The following NF1 variants were observed in gnomAD, a reference collection of about 807,000 sequenced individuals.
NF1 encodes neurofibromin.
NF1 carries 122 observed loss-of-function variants against 325.7 expected under a neutral mutation model. That is an observed-to-expected ratio of 0.37 (90% CI 0.32 to 0.44). The LOEUF (loss-of-function observed/expected upper bound fraction) is 0.44. Among genes scored for constraint, NF1 ranks in the 20% least tolerant of loss-of-function variants. NF1 has a pLI of 1.00. For missense variants in NF1, 2,140 were observed against 3,415.4 expected (o/e 0.63, Z 9.31); for synonymous variants, 1,091 against 1,186.0 (o/e 0.92, Z 1.65).
chr17:31,203,753 A>G (rs1230574488), intron 11 of NF1, among the ~76,000 whole-genome samples: 1 of 152,024 alleles, frequency 6.6e-6, no homozygotes, highest in Admixed American at 6.6e-5. Flanking sequence ...CTCTTCTCCC[A>G]TGGTTCTTTA....
At chr17:31,194,376 G>A (rs1158434541) in intron 8 of NF1, among the ~76,000 whole-genome samples, 1 of 152,090 alleles carries the variant, frequency 6.6e-6, no homozygotes, top group African/African-American at 2.4e-5. Context: ...AATACTACAG[G>A]CTGGGAAGGA....
chr17:31,209,339 G>C (rs1440618271), intron 12 of NF1, among the ~76,000 whole-genome samples: 1 of 152,218 alleles, frequency 6.6e-6, no homozygotes, highest in Non-Finnish European at 1.5e-5. Flanking sequence ...TTGCAAAACA[G>C]TAAAAGTAAA....
At chr17:31,099,385 A>C (rs1465329490) in intron 1 of NF1, among the ~76,000 whole-genome samples, 1 of 152,172 alleles carries the variant, frequency 6.6e-6, no homozygotes, top group African/African-American at 2.4e-5. Flanking sequence ...AAGTTGAATG[A>C]GTATTACCAA....
chr17:31,194,125 T>C (rs895483930), intron 8 of NF1, among the ~76,000 whole-genome samples: 7 of 152,184 alleles, frequency 4.6e-5, no homozygotes, highest in Non-Finnish European at 7.4e-5. Flanking sequence ...AGCCAAGATA[T>C]GGAATCATCC....
chr17:31,306,022 G>A (rs1483218014), intron 36 of NF1, among the ~76,000 whole-genome samples: 1 of 151,996 alleles, frequency 6.6e-6, no homozygotes, highest in Non-Finnish European at 1.5e-5. Context: ...TTTTCTACTA[G>A]AAATATATTG....
chr17:31,350,761 TG>T lies in NF1; in HGVS notation c.7457+444del, dbSNP rs376360149. ...CAAGTTATTTAAAAGTTTTCTATAA[TG>T]TAGACATAGATGGTAAAAATTATAT... On this transcript the variant is annotated intron_variant, in intron 50 of 57. Transcript: ENST00000358273. 8.9e-3 allele frequency among the ~76,000 whole-genome samples: 1,359 copies of T among 152,358 alleles called. 16 individuals are homozygous for T. The highest frequency in any genetic ancestry group is 0.027 in the Middle Eastern group (8 of 294).
chr17:31,362,242 C>A, intron 57 of NF1: 1 of 909,548 alleles, frequency 1.1e-6, no homozygotes, highest in Non-Finnish European at 1.3e-6. Flanking sequence ...ATCAGCATTT[C>A]AGCTGTGAAG....
chr17:31,127,285 T>C (rs577184499), intron 1 of NF1, among the ~76,000 whole-genome samples: 1 of 152,268 alleles, frequency 6.6e-6, no homozygotes, highest in South Asian at 2.1e-4. Flanking sequence ...GTTTATTGAT[T>C]TCCGCAAAAA....
rs574712873 is a variant in NF1, at chr17:31,287,008, TGTGA to T, written c.4835+21672_4835+21675del. Reference sequence around the variant, plus strand: ...CAAAGTGAAAAACTGCGTTTCCTGGTGTGAGTATTTCATTAGATTTATTGATCCT... The same window carrying T: ...CAAAGTGAAAAACTGCGTTTCCTGGTGTATTTCATTAGATTTATTGATCCT... On this transcript the variant is annotated intron_variant, in intron 36 of 57. Coordinates refer to ENST00000358273, the MANE Select transcript of NF1 (RefSeq NM_001042492.3). Among the ~76,000 whole-genome samples the T allele has an allele frequency of 2.2e-4, 34 of 152,352 alleles. No individual in the cohort carries two copies. In the East Asian group the frequency reaches 6.0e-3, roughly 27 times the overall value.
intron 17 of NF1, among the ~76,000 whole-genome samples, chr17:31,225,712 A>T (rs1159555976): frequency 2.0e-5 from 3 of 152,212 alleles, no homozygotes; most frequent in Non-Finnish European, 4.4e-5. Context: ...TTTCTTTTAA[A>T]TATAAATCAT....
chr17:31,149,017 T>C (rs1916756497), intron 1 of NF1, among the ~76,000 whole-genome samples: 1 of 152,110 alleles, frequency 6.6e-6, no homozygotes, highest in African/African-American at 2.4e-5. Flanking sequence ...TTCTACTGTT[T>C]TGTTTTGTTT....
intron 1 of NF1, among the ~76,000 whole-genome samples, chr17:31,149,579 C>T (rs761825148): frequency 3.3e-5 from 5 of 152,062 alleles, no homozygotes; most frequent in Admixed American, 6.6e-5. Context: ...TTCAGACCAG[C>T]GTTCATACTG....
chr17:31,376,946 C>G lies in NF1; in HGVS notation c.*2791C>G, dbSNP rs1249485289. ...TCATGACTGAGCCAGGTGCCCAGGACACATCCTAAACAGTCAGCTTCTATC... is the reference window on the plus strand; with the variant it reads ...TCATGACTGAGCCAGGTGCCCAGGAGACATCCTAAACAGTCAGCTTCTATC... On this transcript the variant is annotated 3_prime_UTR_variant, in exon 58 of 58. Coordinates refer to ENST00000358273, the MANE Select transcript of NF1 (RefSeq NM_001042492.3). The G allele has an allele frequency of 4.3e-6, 1 of 233,206 alleles. No individual in the cohort carries two copies. The highest frequency in any genetic ancestry group is 8.5e-6 in the Non-Finnish European group (1 of 118,098). 14.4% of individuals were successfully genotyped at this position (233,206 alleles called of 1,614,324 possible).
Position 31,226,455 on chromosome 17 carries a change from C to T in NF1, c.2022C>T (p.Ser674=), listed in dbSNP as rs2230851. ...NSSMDSAAGC[S]GTPPICRQAQ... ...CTCAGGATAGTGCAGCAGGATGCAGCGGAACCCCCCCGATTTGCCGACAAG... is the reference window on the plus strand; with the variant it reads ...CTCAGGATAGTGCAGCAGGATGCAGTGGAACCCCCCCGATTTGCCGACAAG... Residue 674 remains serine (S), a synonymous_variant, in exon 18 of 58, where the codon AGC becomes AGT. Transcript: ENST00000358273. 1.6e-3 allele frequency: 2,658 copies of T among 1,613,546 alleles called. 44 individuals carry two copies. The African/African-American group carries it at 0.031, about 19-fold the overall frequency.
intron 1 of NF1, among the ~76,000 whole-genome samples, chr17:31,120,277 T>C (rs1914317839): frequency 6.6e-6 from 1 of 152,210 alleles, no homozygotes; most frequent in African/African-American, 2.4e-5. Context: ...TATCCTCTTT[T>C]ATTTCCTTGA....
intron 12 of NF1, among the ~76,000 whole-genome samples, chr17:31,206,919 T>G (rs2066634573): frequency 6.6e-6 from 1 of 152,190 alleles, no homozygotes; most frequent in Non-Finnish European, 1.5e-5. Context: ...CTAAACTTAA[T>G]AAAAAGCAGA....
chr17:31,186,526 G>C (rs1418387666), intron 8 of NF1, among the ~76,000 whole-genome samples: 1 of 152,212 alleles, frequency 6.6e-6, no homozygotes, highest in Non-Finnish European at 1.5e-5. Flanking sequence ...CAGTGGTTTG[G>C]CTGGATGGTC....
intron 36 of NF1, among the ~76,000 whole-genome samples, chr17:31,289,489 A>G (rs769588010): frequency 2.8e-4 from 43 of 152,200 alleles, no homozygotes; most frequent in Non-Finnish European, 5.7e-4. Flanking sequence ...TATTTCAAGG[A>G]CAAGGCAGGT....
In NF1 at chr17:31,375,121, A is replaced by G; in HGVS notation, c.*966A>G. The G allele has an allele frequency of 9.2e-6, 2 of 217,422 alleles. No homozygotes were observed. The highest frequency in any genetic ancestry group is 1.9e-5 in the Non-Finnish European group (2 of 107,734). 13.5% of individuals were successfully genotyped at this position (217,422 alleles called of 1,614,324 possible). A position where few individuals can be genotyped will look rare whatever the true frequency, so the allele number is the denominator to read the frequency against. On this transcript the variant is annotated 3_prime_UTR_variant, in exon 58 of 58. Coordinates refer to ENST00000358273, the MANE Select transcript of NF1 (RefSeq NM_001042492.3). ...AAATTGTTCCCAGAAGGTAATTTTC[A>G]TAGATGTTTGCATTAGCTCCATAGC... is the stretch of plus-strand genomic sequence containing the variant.
Sources: allele counts gnomAD v4.1 joint callset (sites outside exome capture counted in the v4.1 genomes callset), GRCh38; gene constraint gnomAD v4.1.1; transcripts MANE v1.5; gene names NCBI Gene and HGNC (gene_info 2026-07-23, HGNC 2026-07-21).